SLC35D1: variants seen among roughly 807,000 people sequenced by gnomAD.
The protein encoded by SLC35D1 is nucleotide sugar transporter SLC35D1.
A neutral mutation model predicts 46.7 loss-of-function variants in SLC35D1; 31 were observed. The ratio of observed to expected loss-of-function variants is 0.66; its 90% CI spans 0.50 to 0.90. The LOEUF (loss-of-function observed/expected upper bound fraction) is 0.90. Ranked by LOEUF, SLC35D1 falls within the 40% of genes least tolerant of loss-of-function variation. SLC35D1 has a pLI of 0.00. For synonymous variants in SLC35D1, 195 were observed against 164.6 expected, an observed-to-expected ratio of 1.18 and a Z score of -1.41; for missense variants, 397 against 426.2, an observed-to-expected ratio of 0.93 and a Z score of 0.60.
At chr1:67,045,544 AGGAGAAGTAATCAAT>A (rs551036223) in intron 7 of SLC35D1, among the ~76,000 whole-genome samples, 129 of 152,314 alleles carry the variant, frequency 8.5e-4, no homozygotes, top group Non-Finnish European at 1.5e-3. Context: ...GATATGAGCT[AGGAGAAGTAATCAAT>A]GAACTTAAAA....
chr1:67,027,229 T>C (rs1003014677), intron 8 of SLC35D1, among the ~76,000 whole-genome samples: 1 of 152,170 alleles, frequency 6.6e-6, no homozygotes, highest in Non-Finnish European at 1.5e-5. Flanking sequence ...TGCTCTGTAA[T>C]GAGGTCCTTC....
Position 67,004,138 on chromosome 1 carries a change from C to T in SLC35D1, c.*202G>A, listed in dbSNP as rs1667397657. The T allele has an allele frequency of 3.6e-6, 2 of 559,596 alleles. No homozygotes were observed. 34.7% of individuals were successfully genotyped at this position (559,596 alleles called of 1,614,324 possible). ...CCAGTCTGATATAAATTAATTCAAA[C>T]AACATATTTAAAATAGAGTCAATTA... On this transcript the variant is annotated 3_prime_UTR_variant, in exon 12 of 12. Transcript: ENST00000235345.
rs1246463697 is a variant in SLC35D1, at chr1:67,027,656, A to G, written c.730-6054T>C. On this transcript the variant is annotated intron_variant, in intron 8 of 11. Transcript: ENST00000235345. The stretch of plus-strand genomic sequence containing the variant: ...ATAAGCATTTAGGGATTTAATTTAT[A>G]TAATTAATTTTATGGGTTTCCCTCT... 2.6e-5 allele frequency among the ~76,000 whole-genome samples: 4 copies of G among 152,172 alleles called. No homozygotes were observed. In the East Asian group the frequency reaches 5.8e-4, roughly 22 times the overall value.
intron 5 of SLC35D1, among the ~76,000 whole-genome samples, chr1:67,050,059 CTAT>C (rs1362575380): frequency 6.6e-6 from 1 of 152,132 alleles, no homozygotes; most frequent in Non-Finnish European, 1.5e-5. Flanking sequence ...AAATTTTCAC[CTAT>C]TGTCATTATT....
intron 8 of SLC35D1, among the ~76,000 whole-genome samples, chr1:67,024,361 G>A (rs1372995873): frequency 6.6e-6 from 1 of 152,126 alleles, no homozygotes; most frequent in Non-Finnish European, 1.5e-5. Context: ...AATGAAACCT[G>A]GGTGTAACCA....
chr1:66,985,329 T>TA, the SLC35D1 span: 1 of 985,528 alleles, frequency 1.0e-6, no homozygotes, highest in Non-Finnish European at 1.2e-6. Context: ...TAATACCAAT[T>TA]TCTCTGAGTT....
At position 67,052,026 on chromosome 1, in the gene SLC35D1, G is replaced by A; in HGVS notation, c.378C>T (p.Ser126=). Residue 126 remains serine (S), a synonymous_variant, in exon 4 of 12, where the codon AGC becomes AGT. Transcript: ENST00000235345. ...GTTATCCATACTTCAGTTTCTTTGT[G>A]CTGAACAGTCCCGTGATTTGGTTCC... ...YFGNQITGLF[S]TKKLNLPMFT... The A allele has an allele frequency of 6.2e-7, 1 of 1,607,924 alleles. No individual in the cohort carries two copies.
chr1:66,978,487 C>G, the SLC35D1 span, among the ~76,000 whole-genome samples: 1 of 152,028 alleles, frequency 6.6e-6, no homozygotes, highest in Non-Finnish European at 1.5e-5. Flanking sequence ...CAAATTTTAT[C>G]TAATTGCTTA....
chr1:67,023,761 C>T (rs1667860735), intron 8 of SLC35D1, among the ~76,000 whole-genome samples: 1 of 151,894 alleles, frequency 6.6e-6, no homozygotes, highest in African/African-American at 2.4e-5. Context: ...GCTGGGATTA[C>T]AGAGGTACAA....
chr1:67,045,586 G>T (rs1392495390), intron 7 of SLC35D1, among the ~76,000 whole-genome samples: 1 of 152,136 alleles, frequency 6.6e-6, no homozygotes, highest in African/African-American at 2.4e-5. Context: ...GTATAAATAA[G>T]TCATAGTGAT....
chr1:67,052,605 G>A (rs1230212391), intron 3 of SLC35D1, among the ~76,000 whole-genome samples, 166 bp downstream of exon 3: 1 of 152,066 alleles, frequency 6.6e-6, no homozygotes, highest in Non-Finnish European at 1.5e-5. Flanking sequence ...GAGACTGTAG[G>A]CCTTCTTTGA....
intron 10 of SLC35D1, among the ~76,000 whole-genome samples, chr1:67,019,383 TA>T (rs1214676011): frequency 6.6e-6 from 1 of 152,222 alleles, no homozygotes; most frequent in Non-Finnish European, 1.5e-5. Flanking sequence ...TCTAGCTTTC[TA>T]AAGGAATTCA....
the SLC35D1 span, among the ~76,000 whole-genome samples, chr1:66,982,762 A>G: frequency 6.6e-6 from 1 of 152,150 alleles, no homozygotes; most frequent in Admixed American, 6.5e-5. Flanking sequence ...TGGAGTGTAT[A>G]TGCTTAGTTC....
the SLC35D1 span, among the ~76,000 whole-genome samples, chr1:66,983,767 GC>G: frequency 2.6e-5 from 4 of 152,024 alleles, no homozygotes; most frequent in African/African-American, 9.7e-5. Context: ...TCGCTTTGTC[GC>G]CCAGGCTGGA....
intron 10 of SLC35D1, among the ~76,000 whole-genome samples, chr1:67,015,991 TCAAA>T (rs1391439595): frequency 6.6e-6 from 1 of 152,086 alleles, no homozygotes; most frequent in Non-Finnish European, 1.5e-5. Flanking sequence ...TTTTTTGACC[TCAAA>T]CTAACTTTTT....
rs2102220033 is a variant in SLC35D1 at position 67,001,687 on chromosome 1, A to G, written c.*2653T>C. ...AACCAGACTTTCTGGGAGGTGCCAC[A>G]GTACCAGGTAAATCACCAGTATATT... is the stretch of plus-strand genomic sequence containing the variant. On this transcript the variant is annotated 3_prime_UTR_variant, in exon 12 of 12. Transcript: ENST00000235345. 1 of 152,526 alleles carries G rather than the reference A, an allele frequency of 6.6e-6. No homozygotes were observed. The highest frequency in any genetic ancestry group is 2.4e-5 in the African/African-American group (1 of 41,596). The allele number at this position is 152,526 out of a possible 1,614,324, so 9.4% of individuals were successfully genotyped here. A position where few individuals can be genotyped will look rare whatever the true frequency, so the allele number is the denominator to read the frequency against.
chr1:67,020,860 A>C (rs1667783300), intron 9 of SLC35D1, among the ~76,000 whole-genome samples: 1 of 152,170 alleles, frequency 6.6e-6, no homozygotes, highest in Non-Finnish European at 1.5e-5. Context: ...ATTGAAGAAA[A>C]CCAAATTAAA....
intron 1 of SLC35D1, 62 bp downstream of exon 1, chr1:67,053,749 C>A (rs1338531452): frequency 1.4e-6 from 2 of 1,384,302 alleles, no homozygotes; most frequent in African/African-American, 1.5e-5. Context: ...GGAGCCGGCG[C>A]CGCGCCGCCG....
At chr1:67,008,461 G>GA in intron 11 of SLC35D1, 22 of 1,283,182 alleles carry the variant, frequency 1.7e-5, no homozygotes, top group Admixed American at 4.8e-5. Flanking sequence ...GGAGACACCA[G>GA]AAAAAAAAGA....
Sources: gnomAD v4.1 joint callset for allele counts (sites outside exome capture counted in the v4.1 genomes callset) on GRCh38, gnomAD v4.1.1 for gene constraint, MANE v1.5 for transcripts, NCBI Gene and HGNC (gene_info 2026-07-23, HGNC 2026-07-21) for gene names.